Variants in EPB41 observed in about 807,000 individuals in gnomAD.
The protein encoded by EPB41 is erythrocyte membrane protein band 4.1.
A neutral mutation model predicts 108.0 loss-of-function variants in EPB41; 65 were observed. The ratio of observed to expected loss-of-function variants is 0.60; its 90% confidence interval spans 0.49 to 0.74. EPB41 has a LOEUF of 0.74. Ranked by LOEUF, EPB41 falls within the 30% of genes least tolerant of loss-of-function variation. EPB41 has a pLI of 0.00. For synonymous variants in EPB41, 336 were observed against 358.9 expected, an observed-to-expected ratio of 0.94 and a Z score of 0.72; for missense variants, 875 against 1,037.0, an observed-to-expected ratio of 0.84 and a Z score of 2.15.
intron 1 of EPB41, among the ~76,000 whole-genome samples, chr1:28,940,509 G>A (rs1031401890): frequency 1.3e-5 from 2 of 152,038 alleles, no homozygotes; most frequent in South Asian, 2.1e-4. Flanking sequence ...AAAATTAGCC[G>A]GGCGTGGTGG....
At chr1:28,995,416 G>C (rs1435482563) in intron 3 of EPB41, among the ~76,000 whole-genome samples, 2 of 152,110 alleles carry the variant, frequency 1.3e-5, no homozygotes, top group Non-Finnish European at 2.9e-5. Flanking sequence ...ACAAAAATTA[G>C]CTGGGTGTGG....
intron 16 of EPB41, among the ~76,000 whole-genome samples, chr1:29,079,450 TC>T (rs1209945342): frequency 1.3e-5 from 2 of 151,498 alleles, no homozygotes; most frequent in Non-Finnish European, 2.9e-5. Context: ...GGTGGAGTCT[TC>T]CTGTCACCCA....
chr1:29,001,413 G>C (rs572459868), intron 4 of EPB41, among the ~76,000 whole-genome samples: 8 of 152,256 alleles, frequency 5.3e-5, no homozygotes, highest in African/African-American at 1.9e-4. Context: ...GCTGTCCCTG[G>C]TATCTCCCAT....
At chr1:29,006,575 C>T (rs772785452) in intron 4 of EPB41, among the ~76,000 whole-genome samples, 2 of 151,930 alleles carry the variant, frequency 1.3e-5, no homozygotes, top group Non-Finnish European at 2.9e-5. Flanking sequence ...GTATAAACGC[C>T]CCCAAGATAA....
chr1:28,978,332 G>A (rs2095656766), intron 1 of EPB41, among the ~76,000 whole-genome samples: 1 of 151,486 alleles, frequency 6.6e-6, no homozygotes, highest in South Asian at 2.1e-4. Context: ...AATCCGAAAT[G>A]TTAAAATCCT....
chr1:28,982,649 T>C, intron 1 of EPB41: 1 of 890,392 alleles, frequency 1.1e-6, no homozygotes, highest in Non-Finnish European at 1.9e-6. Context: ...AAAAAGCCCA[T>C]CATGGTTTTT....
chr1:28,919,873 C>T (rs1340265978), intron 1 of EPB41, among the ~76,000 whole-genome samples: 3 of 151,726 alleles, frequency 2.0e-5, no homozygotes, highest in Non-Finnish European at 4.4e-5. Context: ...CTCTTTTTTG[C>T]AAGTTATCTC....
In EPB41 at chr1:29,068,692, T is replaced by C. The variant is rs942570723; in HGVS notation, c.2184+3534T>C. The C allele has an allele frequency of 5.3e-5, 64 of 1,205,312 alleles. No individual in the cohort carries two copies. In the African/African-American group the frequency reaches 8.1e-4, roughly 15 times the overall value. 74.7% of individuals were successfully genotyped at this position (1,205,312 alleles called of 1,614,324 possible). ...CACCTTTGACGGTATTGTTGTTGCA[T>C]TGCAAGGCAACTGAATTTTATATAA... On this transcript the variant is annotated intron_variant, in intron 16 of 20. Coordinates refer to ENST00000343067, the MANE Select transcript of EPB41 (RefSeq NM_001376013.1).
At chr1:28,892,167 A>G (rs1227350387) in intron 1 of EPB41, among the ~76,000 whole-genome samples, 1 of 151,456 alleles carries the variant, frequency 6.6e-6, no homozygotes, top group African/African-American at 2.4e-5. Flanking sequence ...ATTGTACTCA[A>G]CTTCACCTCT....
At chr1:28,953,597 A>G (rs1435751717) in intron 1 of EPB41, among the ~76,000 whole-genome samples, 2 of 152,240 alleles carry the variant, frequency 1.3e-5, no homozygotes, top group African/African-American at 4.8e-5. Context: ...GAATGTATGA[A>G]TGCATACATG....
chr1:29,070,296 T>G, intron 16 of EPB41: 1 of 1,119,202 alleles, frequency 8.9e-7, no homozygotes, highest in Non-Finnish European at 1.1e-6. Context: ...GTATCATTTT[T>G]GAGCATTTTC....
intron 16 of EPB41, among the ~76,000 whole-genome samples, chr1:29,093,633 A>G (rs1457438664): frequency 6.6e-6 from 1 of 152,166 alleles, no homozygotes. Flanking sequence ...TTAGCTGGGC[A>G]CTGTGGCTCA....
chr1:29,005,877 TTA>T (rs1237953929), intron 4 of EPB41, among the ~76,000 whole-genome samples: 3 of 152,198 alleles, frequency 2.0e-5, no homozygotes, highest in Non-Finnish European at 4.4e-5. Context: ...CATCTCTATA[TTA>T]TTTGGAAAGT....
chr1:28,916,478 A>C (rs1046925392), intron 1 of EPB41, among the ~76,000 whole-genome samples: 2 of 152,184 alleles, frequency 1.3e-5, no homozygotes, highest in Non-Finnish European at 2.9e-5. Flanking sequence ...TGTACTAAAA[A>C]TGCAAAAAAG....
At chr1:28,968,981 C>A (rs1006836429) in intron 1 of EPB41, among the ~76,000 whole-genome samples, 1 of 143,526 alleles carries the variant, frequency 7.0e-6, no homozygotes, top group African/African-American at 2.6e-5. Context: ...CCCCCACCCC[C>A]CAAAAAAAAA....
intron 10 of EPB41, among the ~76,000 whole-genome samples, chr1:29,037,559 A>G (rs1368716705): frequency 1.3e-5 from 2 of 151,696 alleles, no homozygotes; most frequent in Admixed American, 1.3e-4. Context: ...TTGTATTGAA[A>G]GGAAAGTTGG....
chr1:29,036,015 T>A, intron 10 of EPB41, 92 bp downstream of exon 10: 1 of 916,374 alleles, frequency 1.1e-6, no homozygotes, highest in Non-Finnish European at 1.7e-6. Context: ...ATTGTATGAC[T>A]GGCACTCTTT....
At chr1:29,058,546 A>G (rs1645947572) in intron 12 of EPB41, 43 bp from the exon 13 acceptor site, 2 of 1,563,724 alleles carry the variant, frequency 1.3e-6, no homozygotes, top group Non-Finnish European at 8.8e-7. Context: ...ATAGAAACCT[A>G]CTAACCTAAA....
chr1:28,946,802 G>T (rs1238242122), intron 1 of EPB41, among the ~76,000 whole-genome samples: 1 of 152,130 alleles, frequency 6.6e-6, no homozygotes, highest in Admixed American at 6.5e-5. Context: ...CTGCCCTAGG[G>T]TTCACTGGTC....
Sources: gnomAD v4.1 joint callset for allele counts (sites outside exome capture counted in the v4.1 genomes callset) on GRCh38, gnomAD v4.1.1 for gene constraint, MANE v1.5 for transcripts, NCBI Gene and HGNC (gene_info 2026-07-23, HGNC 2026-07-21) for gene names.